C3orf52: variants seen among roughly 807,000 people sequenced by gnomAD.
The protein encoded by C3orf52 is chromosome 3 open reading frame 52.
C3orf52 carries 22 observed loss-of-function variants against 24.8 expected under a neutral mutation model. The ratio of observed to expected loss-of-function variants is 0.89; its 90% CI spans 0.63 to 1.27. C3orf52 has a LOEUF of 1.27. C3orf52 is among the 50% of genes most tolerant of loss of function. The pLI is 0.00. For synonymous variants in C3orf52, 93 were observed against 100.2 expected (o/e 0.93, Z 0.43); for missense variants, 265 against 260.7 (o/e 1.02, Z -0.11).
chr3:112,109,624 G>A lies in C3orf52; in HGVS notation c.467+11G>A, dbSNP rs1195303454. 1.3e-6 allele frequency: 2 copies of A among 1,545,724 alleles called. No homozygotes were observed. Among genetic ancestry groups the A allele is most frequent in the South Asian group, 1.1e-5 (1 of 88,762 alleles). ...AATAGTGGACTTCAGGTAAGAGTGT[G>A]GAACATTACATTTTGCTCTCTTTCT... is the stretch of plus-strand genomic sequence containing the variant. On this transcript the variant is annotated intron_variant, in intron 4 of 5. Coordinates refer to ENST00000264848, the MANE Select transcript of C3orf52 (RefSeq NM_024616.3).
At chr3:112,110,123 A>C (rs937769039) in intron 4 of C3orf52, among the ~76,000 whole-genome samples, 1 of 152,164 alleles carries the variant, frequency 6.6e-6, no homozygotes, top group African/African-American at 2.4e-5. Flanking sequence ...TGAGGTCAGG[A>C]GTTCAAGACT....
At chr3:112,129,402 C>G (rs1191378101), downstream of C3orf52, 1 of 152,194 alleles carries the variant, frequency 6.6e-6, no homozygotes, top group Admixed American at 6.6e-5. Flanking sequence ...GGCTGTTTCT[C>G]CTACTTGACT....
chr3:112,115,919 T>A (rs2074129656), intron 5 of C3orf52, among the ~76,000 whole-genome samples: 1 of 152,146 alleles, frequency 6.6e-6, no homozygotes, highest in African/African-American at 2.4e-5. Context: ...CTTCTTCACC[T>A]CCTAGATGAG....
downstream of C3orf52, chr3:112,129,836 T>C (rs4619760): frequency 1.3e-5 from 2 of 152,278 alleles, no homozygotes; most frequent in East Asian, 3.8e-4. Context: ...AAAGCACAGA[T>C]AACTTTACAG....
chr3:112,124,724 G>A (rs1427274809), intron 4 of C3orf52, among the ~76,000 whole-genome samples: 1 of 152,170 alleles, frequency 6.6e-6, no homozygotes, highest in Non-Finnish European at 1.5e-5. Flanking sequence ...CGACTCAAGG[G>A]AAGGTTTCAC....
At chr3:112,124,380 G>A (rs1362523340) in intron 4 of C3orf52, among the ~76,000 whole-genome samples, 1 of 152,120 alleles carries the variant, frequency 6.6e-6, no homozygotes, top group Non-Finnish European at 1.5e-5. Flanking sequence ...AGGCCGAAGT[G>A]GGTGGATCAC....
chr3:112,086,741 C>G (rs569637026), intron 1 of C3orf52, among the ~76,000 whole-genome samples, 196 bp downstream of exon 1: 6 of 152,174 alleles, frequency 3.9e-5, no homozygotes, highest in Non-Finnish European at 8.8e-5. Flanking sequence ...CCCTCCCCAG[C>G]CCCTGGGGTC....
chr3:112,117,006 G>A lies in C3orf52; in HGVS notation c.*360G>A, dbSNP rs1332257876. On this transcript the variant is annotated 3_prime_UTR_variant, in exon 6 of 6. Coordinates refer to ENST00000264848, the MANE Select transcript of C3orf52 (RefSeq NM_024616.3). ...TCTCGTTCTGTCGCTTAGCTGGAGTGCGGTGGCGTGATCATGGCACTGCTA... is the reference window on the plus strand; with the variant it reads ...TCTCGTTCTGTCGCTTAGCTGGAGTACGGTGGCGTGATCATGGCACTGCTA... 1.5e-6 allele frequency: 2 copies of A among 1,341,682 alleles called. No individual in the cohort carries two copies. The highest frequency in any genetic ancestry group is 1.3e-5 in the South Asian group (1 of 74,172). 83.1% of individuals were successfully genotyped at this position (1,341,682 alleles called of 1,614,324 possible).
chr3:112,093,246 C>T, intron 1 of C3orf52, 114 bp from the exon 2 acceptor site: 3 of 1,040,594 alleles, frequency 2.9e-6, no homozygotes, highest in Non-Finnish European at 4.2e-6. Context: ...TAGAGTGTTG[C>T]CCTAAGGTCA....
At chr3:112,120,101 C>A (rs2074173668), downstream of C3orf52, among the ~76,000 whole-genome samples, 1 of 152,222 alleles carries the variant, frequency 6.6e-6, no homozygotes, top group Admixed American at 6.5e-5. Flanking sequence ...GATGACCTCT[C>A]AAGGCTTCAC....
chr3:112,133,824 G>A (rs1576177704), downstream of C3orf52: 1 of 152,270 alleles, frequency 6.6e-6, no homozygotes, highest in Admixed American at 6.5e-5. Flanking sequence ...TTTTTGGAAA[G>A]AAGTGATAAG....
At chr3:112,119,917 C>CCTCAA (rs1193590629), downstream of C3orf52, among the ~76,000 whole-genome samples, 2 of 152,156 alleles carry the variant, frequency 1.3e-5, no homozygotes, top group African/African-American at 4.8e-5. Flanking sequence ...CAAAGCCTAG[C>CCTCAA]CCACAGGGCA....
intron 5 of C3orf52, among the ~76,000 whole-genome samples, chr3:112,114,688 G>A (rs969451076): frequency 3.9e-5 from 6 of 152,154 alleles, no homozygotes; most frequent in African/African-American, 1.4e-4. Context: ...TGGGTGACAA[G>A]AGTGAAACTC....
rs1052223247 is a variant in C3orf52 at position 112,117,452 on chromosome 3, T to C, written c.*806T>C. ...ATTCCTGAACACCTTTTTGGAAATA[T>C]GGGTCTCTGTGAGTTTTGAGCACAC... On this transcript the variant is annotated 3_prime_UTR_variant, in exon 6 of 6. Transcript: ENST00000264848. 1 of 155,510 alleles carries C rather than the reference T, an allele frequency of 6.4e-6. No individual in the cohort carries two copies. The highest frequency in any genetic ancestry group is 2.4e-5 in the African/African-American group (1 of 41,566). The allele number at this position is 155,510 out of a possible 1,614,324, so 9.6% of individuals were successfully genotyped here.
rs181203164 is a variant in C3orf52 at position 112,117,219 on chromosome 3, T to C, written c.*573T>C. ...CCCCCACCATTCGATTTGATCTACC[T>C]CTAAGCCAGGCTGTGAAGAAAAGGA... On this transcript the variant is annotated 3_prime_UTR_variant, in exon 6 of 6. Transcript: ENST00000264848. 41 of 517,308 alleles carry C rather than the reference T, an allele frequency of 7.9e-5. No homozygotes were observed. The East Asian group carries it at 1.2e-3, about 15-fold the overall frequency. The allele number at this position is 517,308 out of a possible 1,614,324, so 32.0% of individuals were successfully genotyped here. A position where few individuals can be genotyped will look rare whatever the true frequency, so the allele number is the denominator to read the frequency against.
At chr3:112,106,617 G>A (rs567575368) in intron 3 of C3orf52, among the ~76,000 whole-genome samples, 2 of 152,150 alleles carry the variant, frequency 1.3e-5, no homozygotes, top group Non-Finnish European at 2.9e-5. Flanking sequence ...AAGTAACAAG[G>A]GTTTTAGGAA....
chr3:112,134,741 A>G (rs2074532939), downstream of C3orf52: 1 of 153,110 alleles, frequency 6.5e-6, no homozygotes, highest in Non-Finnish European at 1.5e-5. Flanking sequence ...ACTGATCTTC[A>G]TTGAGTGAAT....
chr3:112,098,797 G>A lies in C3orf52; in HGVS notation c.269-4041G>A, dbSNP rs77480955. 5.8e-3 allele frequency among the ~76,000 whole-genome samples: 887 copies of A among 152,152 alleles called. 20 individuals carry two copies. The highest frequency in any genetic ancestry group is 0.05 in the East Asian group (259 of 5,172). On this transcript the variant is annotated intron_variant, in intron 2 of 5. Coordinates refer to ENST00000264848, the MANE Select transcript of C3orf52 (RefSeq NM_024616.3). ...CTAGCTATATCTTCTATGGTATAAG[G>A]GGAAAGGCAGCTTTCTGGGCCTCTT...
Position 112,117,062 on chromosome 3 carries a change from T to C in C3orf52, c.*416T>C, listed in dbSNP as rs1478338303. On this transcript the variant is annotated 3_prime_UTR_variant, in exon 6 of 6. Transcript: ENST00000264848. ...GAAGCACTCCACCCACCTGGGCTACTTTTTCTTTAGTGCAGAGGTGCACTG... is the reference window on the plus strand; with the variant it reads ...GAAGCACTCCACCCACCTGGGCTACCTTTTCTTTAGTGCAGAGGTGCACTG... 1.3e-6 allele frequency: 1 copy of C among 790,998 alleles called. No individual in the cohort carries two copies. Among genetic ancestry groups the C allele is most frequent in the African/African-American group, 1.7e-5 (1 of 57,638 alleles). 49.0% of individuals were successfully genotyped at this position (790,998 alleles called of 1,614,324 possible).
Sources: gnomAD v4.1 joint callset for allele counts (sites outside exome capture counted in the v4.1 genomes callset) on GRCh38, gnomAD v4.1.1 for gene constraint, MANE v1.5 for transcripts, NCBI Gene and HGNC (gene_info 2026-07-23, HGNC 2026-07-21) for gene names.